PIK3CD: variants seen among roughly 807,000 people sequenced by gnomAD.
PIK3CD encodes the protein phosphatidylinositol-4,5-bisphosphate 3-kinase catalytic subunit delta.
Under a neutral mutation model 122.9 loss-of-function variants are expected in PIK3CD, and 20 were observed. The ratio of observed to expected loss-of-function variants is 0.16; its 90% CI spans 0.11 to 0.24. The LOEUF is 0.24. Among genes scored for constraint, PIK3CD ranks in the 10% least tolerant of loss-of-function variants. PIK3CD has a pLI of 1.00. For synonymous variants in PIK3CD, 596 were observed against 593.4 expected (o/e 1.00, Z -0.06); for missense variants, 787 against 1,406.3 (o/e 0.56, Z 7.04).
intron 1 of PIK3CD, among the ~76,000 whole-genome samples, chr1:9,679,541 C>T (rs566515211): frequency 6.6e-6 from 1 of 152,256 alleles, no homozygotes; most frequent in South Asian, 2.1e-4. Flanking sequence ...AATATTCTCC[C>T]AGGCCTTGGT....
At chr1:9,641,080 T>C in the PIK3CD span, among the ~76,000 whole-genome samples, 1 of 152,148 alleles carries the variant, frequency 6.6e-6, no homozygotes, top group Non-Finnish European at 1.5e-5. Flanking sequence ...AGCACAACAC[T>C]GTATCTTATT....
In PIK3CD at chr1:9,724,687, C is replaced by A; in HGVS notation, c.2865-117C>A. ...GCAGAACTGGAGGCCTTGTGTCCAC[C>A]CATTATCAGGGCAAGGGCAGGTGTC... is the stretch of plus-strand genomic sequence containing the variant. On this transcript the variant is annotated intron_variant, in intron 22 of 23. Coordinates refer to ENST00000377346, the MANE Select transcript of PIK3CD (RefSeq NM_005026.5). This position sits in a 1 kb window ranked among gnomAD's most constrained non-coding sequence, Gnocchi z 7.3. 1.5e-6 allele frequency: 2 copies of A among 1,360,790 alleles called. No homozygotes were observed. The highest frequency in any genetic ancestry group is 2.1e-6 in the Non-Finnish European group (2 of 953,216). The allele number at this position is 1,360,790 out of a possible 1,614,324, so 84.3% of individuals were successfully genotyped here.
chr1:9,719,021 T>C lies in PIK3CD; in HGVS notation c.1242+106T>C, dbSNP rs111888887. ...TCCCGGCAAGCACGCAGCCTGGGGA[T>C]GGGGGTCCTGGGATTGCTTGTGGAC... On this transcript the variant is annotated intron_variant, in intron 9 of 23. Coordinates refer to ENST00000377346, the MANE Select transcript of PIK3CD (RefSeq NM_005026.5). The surrounding 1 kb of genome is among the most constrained non-coding windows in gnomAD (Gnocchi z 5.5). 6,909 of 1,065,636 alleles carry C rather than the reference T, an allele frequency of 6.5e-3. 132 individuals are homozygous for C. Among genetic ancestry groups the C allele is most frequent in the East Asian group, 0.047 (1,836 of 38,766 alleles). The allele number at this position is 1,065,636 out of a possible 1,614,324, so 66.0% of individuals were successfully genotyped here. A position where few individuals can be genotyped will look rare whatever the true frequency, so the allele number is the denominator to read the frequency against.
At chr1:9,668,951 A>C (rs1645242318) in intron 1 of PIK3CD, among the ~76,000 whole-genome samples, 1 of 152,000 alleles carries the variant, frequency 6.6e-6, no homozygotes, top group Non-Finnish European at 1.5e-5. Flanking sequence ...GGAGCATGGA[A>C]ATGGGGGCTA....
chr1:9,728,624 A>G lies in PIK3CD; in HGVS notation c.*1578A>G, dbSNP rs1650065055. ...CCTGGCCACACGCCTGTTCCCAGCA[A>G]GTGCTGAAACTCACTAGACCGTCTG... On this transcript the variant is annotated 3_prime_UTR_variant, in exon 24 of 24. Transcript: ENST00000377346. The G allele has an allele frequency of 6.6e-6, 1 of 152,280 alleles. No individual in the cohort carries two copies. Among genetic ancestry groups the G allele is most frequent in the Admixed American group, 6.5e-5 (1 of 15,290 alleles). 9.4% of individuals were successfully genotyped at this position (152,280 alleles called of 1,614,324 possible).
the PIK3CD span, among the ~76,000 whole-genome samples, chr1:9,645,816 G>T: frequency 6.6e-6 from 1 of 152,090 alleles, no homozygotes; most frequent in Admixed American, 6.5e-5. Context: ...CTGTTGGCCA[G>T]CATGGTCGTG....
intron 2 of PIK3CD, among the ~76,000 whole-genome samples, chr1:9,694,954 C>G (rs1431972609): frequency 6.7e-6 from 1 of 150,124 alleles, no homozygotes; most frequent in Non-Finnish European, 1.5e-5. Flanking sequence ...AGAGTGAGAC[C>G]CTGTCTCAAA....
rs574726747 is a variant in PIK3CD at position 9,704,996 on chromosome 1, A to G, written c.-32-5428A>G. On this transcript the variant is annotated intron_variant, in intron 2 of 23. Transcript: ENST00000377346. This position sits in a 1 kb window ranked among gnomAD's most constrained non-coding sequence, Gnocchi z 5.0. ...CCAGCTGACGGTGAGGCCTGGGCCC[A>G]GCCGGCGCTGCCACCCAATCAACAC... Among the ~76,000 whole-genome samples, 11 of 152,198 alleles carry G rather than the reference A, an allele frequency of 7.2e-5. No individual in the cohort carries two copies. Among genetic ancestry groups the G allele is most frequent in the Admixed American group, 2.6e-4 (4 of 15,288 alleles).
intron 1 of PIK3CD, among the ~76,000 whole-genome samples, chr1:9,667,338 G>C (rs1412424283): frequency 6.6e-6 from 1 of 151,672 alleles, no homozygotes; most frequent in South Asian, 2.1e-4. Flanking sequence ...ACATATAATA[G>C]TTTCATAACA....
In PIK3CD at chr1:9,722,776, G is replaced by A. The variant is rs1648890342; in HGVS notation, c.2426+170G>A. Among the ~76,000 whole-genome samples, 1 of 152,152 alleles carries A rather than the reference G, an allele frequency of 6.6e-6. No homozygotes were observed. ...CTAGGCCAGGAGGCGGCGGGCAGCAGGATGCGTGAAGGCTGCTCCTGAGGC... is the reference window on the plus strand; with the variant it reads ...CTAGGCCAGGAGGCGGCGGGCAGCAAGATGCGTGAAGGCTGCTCCTGAGGC... On this transcript the variant is annotated intron_variant, in intron 19 of 23. Transcript: ENST00000377346. The surrounding 1 kb of genome is among the most constrained non-coding windows in gnomAD (Gnocchi z 7.6).
chr1:9,679,141 C>T (rs544817091), intron 1 of PIK3CD, among the ~76,000 whole-genome samples: 2 of 148,282 alleles, frequency 1.3e-5, no homozygotes, highest in African/African-American at 2.5e-5. Flanking sequence ...GATCTTGGCT[C>T]ACTGCAACCT....
chr1:9,664,694 A>G (rs575818175), intron 1 of PIK3CD, among the ~76,000 whole-genome samples: 23 of 152,336 alleles, frequency 1.5e-4, no homozygotes, highest in Admixed American at 1.4e-3. Flanking sequence ...GTTGGGCGCT[A>G]CAGAATCCAG....
Position 9,715,618 on chromosome 1 carries a change from C to G in PIK3CD, c.219C>G (p.Ile73Met). Residue 73 changes from isoleucine (I) to methionine (M), a missense_variant, in exon 4 of 24, where the codon ATC (isoleucine) becomes ATG (methionine). By Grantham distance (10) the Ile-to-Met change is conservative (BLOSUM62 1). Around this residue, in one of 6 missense-constraint regions of PIK3CD, gnomAD observed 592 missense variants for 920.6 expected, o/e 0.64. Transcript: ENST00000377346. The surrounding 1 kb of genome is among the most constrained non-coding windows in gnomAD (Gnocchi z 4.1). ...SGPEAYVFTC[I>M]NQTAEQQELE... ...CCGAGGCCTATGTGTTCACCTGCAT[C>G]AACCAGACAGCGGAGCAGCAAGAGC... 1 of 1,613,858 alleles carries G rather than the reference C, an allele frequency of 6.2e-7. No homozygotes were observed.
the PIK3CD span, among the ~76,000 whole-genome samples, chr1:9,629,774 C>G: frequency 1.6e-4 from 25 of 152,210 alleles, no homozygotes; most frequent in Admixed American, 1.4e-3. Flanking sequence ...AAGGCTCCCC[C>G]ACCCCTGCAG....
At chr1:9,650,115 C>G (rs1361994355), upstream of PIK3CD, among the ~76,000 whole-genome samples, 2 of 138,874 alleles carry the variant, frequency 1.4e-5, no homozygotes, top group South Asian at 5.0e-4. Flanking sequence ...GGACAGGAAA[C>G]ATTCCTTCAG....
chr1:9,715,618 C>T lies in PIK3CD; in HGVS notation c.219C>T (p.Ile73=). 6.2e-7 allele frequency: 1 copy of T among 1,613,858 alleles called. No homozygotes were observed. Among genetic ancestry groups the T allele is most frequent in the Non-Finnish European group, 8.5e-7 (1 of 1,180,044 alleles). The change falls in exon 4 of 24, where the codon ATC becomes ATT. Residue 73 remains isoleucine (I), a synonymous_variant. Coordinates refer to ENST00000377346, the MANE Select transcript of PIK3CD (RefSeq NM_005026.5). The surrounding 1 kb of genome is among the most constrained non-coding windows in gnomAD (Gnocchi z 4.1). ...CCGAGGCCTATGTGTTCACCTGCAT[C>T]AACCAGACAGCGGAGCAGCAAGAGC... is the stretch of plus-strand genomic sequence containing the variant. The part of the protein sequence containing the change: ...SGPEAYVFTC[I]NQTAEQQELE...
At chr1:9,640,181 C>G in the PIK3CD span, among the ~76,000 whole-genome samples, 5 of 151,948 alleles carry the variant, frequency 3.3e-5, no homozygotes, top group Non-Finnish European at 5.9e-5. Flanking sequence ...CTTTCTGGAA[C>G]TTTAAGATGC....
chr1:9,655,185 C>T (rs1406257615), intron 1 of PIK3CD, among the ~76,000 whole-genome samples: 1 of 152,088 alleles, frequency 6.6e-6, no homozygotes, highest in Non-Finnish European at 1.5e-5. Context: ...AAGCAGTACC[C>T]CGGGATGGAG....
At chr1:9,690,389 GC>G in intron 1 of PIK3CD, among the ~76,000 whole-genome samples, 1 of 152,288 alleles carries the variant, frequency 6.6e-6, no homozygotes, top group East Asian at 1.9e-4. Flanking sequence ...TTTTGAAAGG[GC>G]TTTCCTTATG....
Sources: gnomAD v4.1 joint callset for allele counts (sites outside exome capture counted in the v4.1 genomes callset) on GRCh38, gnomAD v4.1.1 for gene constraint, gnomAD v4.1.1 regional missense constraint, Gnocchi (gnomAD v3.1) non-coding constraint, MANE v1.5 for transcripts, NCBI Gene and HGNC (gene_info 2026-07-23, HGNC 2026-07-21) for gene names.